Variants in LRRC74A observed in about 807,000 individuals in gnomAD.
LRRC74A encodes leucine-rich repeat-containing protein 74A.
A neutral mutation model predicts 57.9 loss-of-function variants in LRRC74A; 44 were observed. The ratio of observed to expected loss-of-function variants is 0.76; its 90% CI spans 0.60 to 0.98. The LOEUF is 0.98. LRRC74A is among the 50% of genes least tolerant of loss of function. LRRC74A has a pLI of 0.00. For missense variants in LRRC74A, 572 were observed against 574.0 expected (o/e 1.00, Z 0.04); for synonymous variants, 211 against 219.4 (o/e 0.96, Z 0.34).
intron 13 of LRRC74A, among the ~76,000 whole-genome samples, chr14:76,869,433 A>G (rs1399954441): frequency 1.3e-5 from 2 of 151,832 alleles, no homozygotes; most frequent in Non-Finnish European, 2.9e-5. Flanking sequence ...TTTTTGTTTT[A>G]TGTTACAAAT....
chr14:76,854,224 A>G (rs562054983), intron 9 of LRRC74A, among the ~76,000 whole-genome samples: 7 of 152,204 alleles, frequency 4.6e-5, no homozygotes, highest in African/African-American at 1.7e-4. Context: ...CCTACTTCCC[A>G]TGGAACTTGC....
At chr14:76,834,030 C>T (rs1214960528) in intron 3 of LRRC74A, among the ~76,000 whole-genome samples, 1 of 152,202 alleles carries the variant, frequency 6.6e-6, no homozygotes, top group Non-Finnish European at 1.5e-5. Flanking sequence ...GCCTAGCCCC[C>T]ACTTGGCATT....
In LRRC74A at chr14:76,828,195, G is replaced by A. The variant is rs2140250759; in HGVS notation, c.38-96G>A. ...CACCTTGAGGACCTGGGACTCAGAG[G>A]AAGGGAGCAGAGATGGAGGGGCGGC... On this transcript the variant is annotated intron_variant, in intron 1 of 13. Coordinates refer to ENST00000689127, the MANE Select transcript of LRRC74A (RefSeq NM_001385106.1). The A allele has an allele frequency of 9.6e-6, 14 of 1,463,252 alleles. 1 individual carries two copies. In the South Asian group the frequency reaches 1.9e-4, roughly 20 times the overall value. 90.6% of individuals were successfully genotyped at this position (1,463,252 alleles called of 1,614,324 possible). A position where few individuals can be genotyped will look rare whatever the true frequency, so the allele number is the denominator to read the frequency against.
At chr14:76,856,774 A>G (rs1897917423) in intron 9 of LRRC74A, among the ~76,000 whole-genome samples, 1 of 137,238 alleles carries the variant, frequency 7.3e-6, no homozygotes, top group South Asian at 2.5e-4. Context: ...ATGGATGAGC[A>G]GTGAGATGGA....
chr14:76,828,961 C>A (rs1029694949), intron 2 of LRRC74A: 23 of 1,263,304 alleles, frequency 1.8e-5, no homozygotes, highest in Non-Finnish European at 2.3e-5. Context: ...CTTTCCCACA[C>A]TCACCTTAGA....
intron 9 of LRRC74A, among the ~76,000 whole-genome samples, chr14:76,857,092 G>T (rs140464707): frequency 7.8e-6 from 1 of 127,836 alleles, no homozygotes; most frequent in African/African-American, 2.7e-5. Context: ...GATGAGCAGT[G>T]AGATGGACAG....
At chr14:76,835,741 C>G (rs1896285064) in intron 3 of LRRC74A, among the ~76,000 whole-genome samples, 1 of 151,970 alleles carries the variant, frequency 6.6e-6, no homozygotes, top group Admixed American at 6.6e-5. Context: ...TAAATGAATA[C>G]AAATTAAAAA....
chr14:76,837,009 G>A (rs1405210227), intron 4 of LRRC74A, among the ~76,000 whole-genome samples: 1 of 151,938 alleles, frequency 6.6e-6, no homozygotes, highest in Non-Finnish European at 1.5e-5. Context: ...GTGCATGGTG[G>A]TGTGTGCCTG....
intron 4 of LRRC74A, 59 bp from the exon 5 acceptor site, chr14:76,837,816 T>A: frequency 2.0e-6 from 2 of 1,010,038 alleles, no homozygotes; most frequent in Non-Finnish European, 3.0e-6. Flanking sequence ...GACATCATTT[T>A]TTCATGAGGG....
At chr14:76,861,844 A>G (rs946477958) in intron 11 of LRRC74A, among the ~76,000 whole-genome samples, 3 of 152,166 alleles carry the variant, frequency 2.0e-5, no homozygotes, top group African/African-American at 7.2e-5. Flanking sequence ...TGCTCTGCCA[A>G]TGCACGTTCT....
At chr14:76,858,130 A>G (rs1898037583) in intron 10 of LRRC74A, among the ~76,000 whole-genome samples, 1 of 152,212 alleles carries the variant, frequency 6.6e-6, no homozygotes, top group African/African-American at 2.4e-5. Flanking sequence ...ATACTGTATT[A>G]ATTTCCTAAG....
intron 3 of LRRC74A, among the ~76,000 whole-genome samples, chr14:76,832,180 G>A (rs929848025): frequency 2.8e-4 from 43 of 152,212 alleles, no homozygotes; most frequent in Admixed American, 2.8e-3. Flanking sequence ...AGGTTCATAT[G>A]CTCACTGTGC....
In LRRC74A at chr14:76,867,439, G is replaced by C. The variant is rs202168644; in HGVS notation, c.1391+1G>C. 2.6e-6 allele frequency: 4 copies of C among 1,562,262 alleles called. No homozygotes were observed. The highest frequency in any genetic ancestry group is 3.5e-6 in the Non-Finnish European group (4 of 1,134,208). On this transcript the variant is annotated splice_donor_variant, in intron 13 of 13. Transcript: ENST00000689127. LOFTEE classifies it high-confidence loss of function. ...AGAAGACAGGCATGGTGAACTTCAG[G>C]TCAGCCCAGGCCCCGCGACGATCCC...
intron 10 of LRRC74A, among the ~76,000 whole-genome samples, chr14:76,859,017 T>A (rs1595390931): frequency 6.6e-6 from 1 of 152,202 alleles, no homozygotes; most frequent in East Asian, 1.9e-4. Flanking sequence ...CCCTTTGTTC[T>A]CTCACCTGTC....
chr14:76,846,485 GA>G (rs199769866), intron 7 of LRRC74A, among the ~76,000 whole-genome samples: 9 of 150,262 alleles, frequency 6.0e-5, no homozygotes, highest in African/African-American at 2.0e-4. Context: ...CATAAAAGAG[GA>G]AAAAAAAATA....
chr14:76,864,434 A>AGG (rs1566744817), intron 11 of LRRC74A, among the ~76,000 whole-genome samples: 8 of 4,214 alleles, frequency 1.9e-3, no homozygotes, highest in East Asian at 0.01. Context: ...TGGCGGGGGG[A>AGG]AGGGGGGTGG....
At chr14:76,827,761 A>T (rs191129562) in intron 1 of LRRC74A, among the ~76,000 whole-genome samples, 39 of 152,320 alleles carry the variant, frequency 2.6e-4, no homozygotes, top group Admixed American at 2.4e-3. Flanking sequence ...AAGAGAAGCT[A>T]AGTCAAATTC....
intron 13 of LRRC74A, among the ~76,000 whole-genome samples, chr14:76,868,412 C>G (rs1379511172): frequency 6.6e-6 from 1 of 152,176 alleles, no homozygotes; most frequent in Non-Finnish European, 1.5e-5. Context: ...GAGGCTACAG[C>G]CAGCCGAGAT....
At chr14:76,843,597 C>T (rs1896925765) in intron 5 of LRRC74A, among the ~76,000 whole-genome samples, 1 of 152,132 alleles carries the variant, frequency 6.6e-6, no homozygotes, top group East Asian at 1.9e-4. Flanking sequence ...AGAGAAAAGG[C>T]AATGTTAAAA....
Sources: gnomAD v4.1 joint callset for allele counts (sites outside exome capture counted in the v4.1 genomes callset) on GRCh38, gnomAD v4.1.1 for gene constraint, MANE v1.5 for transcripts, NCBI Gene and HGNC (gene_info 2026-07-23, HGNC 2026-07-21) for gene names.